Variants in GALNT11 observed in about 807,000 individuals in gnomAD.
The protein encoded by GALNT11 is UDP-GalNAc:polypeptide N-acetylgalactosaminyltransferase 11.
GALNT11 carries 47 observed loss-of-function variants against 72.7 expected under a neutral mutation model. The ratio of observed to expected loss-of-function variants is 0.65; its 90% CI spans 0.51 to 0.82. The LOEUF is 0.82. GALNT11 is among the 40% of genes least tolerant of loss of function. The pLI, the probability that GALNT11 is intolerant of heterozygous loss-of-function variation, is 0.00. For synonymous variants in GALNT11, 270 were observed against 286.6 expected, an observed-to-expected ratio of 0.94 and a Z score of 0.58; for missense variants, 677 against 778.4, an observed-to-expected ratio of 0.87 and a Z score of 1.55.
In GALNT11 at chr7:152,035,913, C is replaced by T. The variant is rs375965967; in HGVS notation, c.-39+10029C>T. Among the ~76,000 whole-genome samples, 9 of 152,242 alleles carry T rather than the reference C, an allele frequency of 5.9e-5. No homozygotes were observed. The South Asian group carries it at 8.3e-4, about 14-fold the overall frequency. ...TTGTCCCAGTCTGATGTGGCTGCTGCGTAGTGCCCGCTGGCCTCCCTCTTG... is the reference window on the plus strand; with the variant it reads ...TTGTCCCAGTCTGATGTGGCTGCTGTGTAGTGCCCGCTGGCCTCCCTCTTG... On this transcript the variant is annotated intron_variant, in intron 1 of 11. Transcript: ENST00000430044.
At chr7:152,028,914 AT>A (rs1419336836) in intron 1 of GALNT11, among the ~76,000 whole-genome samples, 1 of 152,182 alleles carries the variant, frequency 6.6e-6, no homozygotes, top group Non-Finnish European at 1.5e-5. Flanking sequence ...GATGGTCTCA[AT>A]TCTAGAGGAA....
chr7:152,075,622 C>T (rs2084912057), intron 1 of GALNT11, among the ~76,000 whole-genome samples: 1 of 152,096 alleles, frequency 6.6e-6, no homozygotes, highest in African/African-American at 2.4e-5. Flanking sequence ...GCCTCACCAA[C>T]ATGGAGAAAC....
intron 1 of GALNT11, among the ~76,000 whole-genome samples, chr7:152,058,158 T>TA (rs71198755): frequency 2.2e-4 from 34 of 151,326 alleles, no homozygotes; most frequent in South Asian, 1.7e-3. Flanking sequence ...CATTATAGCT[T>TA]AAAAAAAAAG....
intron 1 of GALNT11, among the ~76,000 whole-genome samples, chr7:152,056,409 A>G (rs868788813): frequency 6.6e-6 from 1 of 152,194 alleles, no homozygotes; most frequent in South Asian, 2.1e-4. Context: ...TTTTCCCAGA[A>G]ATTACCAAGT....
rs959964367 is a variant in GALNT11, at chr7:152,122,322, T to TAAAG, written c.*648_*651dup. ...ATGAATTATGATACAATCTACATAATAAAGAATCCTTTTGATTATTTAGGA... is the reference window on the plus strand; with the variant it reads ...ATGAATTATGATACAATCTACATAATAAAGAAAGAATCCTTTTGATTATTTAGGA... On this transcript the variant is annotated 3_prime_UTR_variant, in exon 12 of 12. Transcript: ENST00000430044. 3 of 152,270 alleles carry TAAAG rather than the reference T, an allele frequency of 2.0e-5. No homozygotes were observed. Among genetic ancestry groups the TAAAG allele is most frequent in the African/African-American group, 4.8e-5 (2 of 41,468 alleles). 9.4% of individuals were successfully genotyped at this position (152,270 alleles called of 1,614,324 possible).
chr7:152,071,191 C>G (rs1472857933), intron 1 of GALNT11, among the ~76,000 whole-genome samples: 3 of 152,210 alleles, frequency 2.0e-5, no homozygotes, highest in Admixed American at 1.3e-4. Flanking sequence ...ATTTATTAGG[C>G]AGGAATTTCC....
chr7:152,076,061 CAAAAAAAAAA>C lies in GALNT11; in HGVS notation c.-38-18109_-38-18100del, dbSNP rs71198757. ...TGGGCGACAGAGCGAGACTCCGTCT[CAAAAAAAAAA>C]AAAAAAAAAAAAAAAAAAAGAAGAA... On this transcript the variant is annotated intron_variant, in intron 1 of 11. Coordinates refer to ENST00000430044, the MANE Select transcript of GALNT11 (RefSeq NM_022087.4). 4.2e-4 allele frequency among the ~76,000 whole-genome samples: 30 copies of C among 71,326 alleles called. No homozygotes were observed. The Admixed American group carries it at 5.4e-3, about 13-fold the overall frequency. 46.8% of individuals were successfully genotyped at this position (71,326 alleles called of 152,430 possible). A position where few individuals can be genotyped will look rare whatever the true frequency, so the allele number is the denominator to read the frequency against.
intron 1 of GALNT11, among the ~76,000 whole-genome samples, chr7:152,086,813 T>G (rs139135357): frequency 6.6e-6 from 1 of 152,356 alleles, no homozygotes; most frequent in Non-Finnish European, 1.5e-5. Context: ...AGACCATTAT[T>G]TAAGTTTTGA....
intron 4 of GALNT11, 46 bp downstream of exon 4, chr7:152,103,324 A>G: frequency 6.4e-7 from 1 of 1,570,360 alleles, no homozygotes; most frequent in Non-Finnish European, 8.7e-7. Context: ...GCTGTCAGTC[A>G]CTACAGCACT....
At chr7:152,113,145 A>G in intron 7 of GALNT11, 101 bp from the exon 8 acceptor site, 5 of 1,283,662 alleles carry the variant, frequency 3.9e-6, no homozygotes, top group Non-Finnish European at 4.3e-6. Flanking sequence ...GCCAAGTTTC[A>G]TAAACACCTA....
intron 1 of GALNT11, among the ~76,000 whole-genome samples, chr7:152,062,374 A>G (rs1485163163): frequency 6.6e-6 from 1 of 152,172 alleles, no homozygotes; most frequent in East Asian, 1.9e-4. Flanking sequence ...GGCTGAGACG[A>G]TGAGGTTTTC....
At chr7:152,053,846 T>G (rs1237728169) in intron 1 of GALNT11, among the ~76,000 whole-genome samples, 1 of 152,208 alleles carries the variant, frequency 6.6e-6, no homozygotes, top group Non-Finnish European at 1.5e-5. Context: ...CAAAAATAAA[T>G]AAACCTTGCA....
intron 1 of GALNT11, among the ~76,000 whole-genome samples, chr7:152,066,256 C>G (rs907625037): frequency 6.9e-6 from 1 of 145,810 alleles, no homozygotes; most frequent in Non-Finnish European, 1.5e-5. Context: ...GATGTAATCT[C>G]CTGGTGTGCC....
intron 10 of GALNT11, chr7:152,119,782 A>G (rs2089255098): frequency 1.3e-5 from 2 of 152,266 alleles, no homozygotes; most frequent in African/African-American, 4.8e-5. Flanking sequence ...AGGCTGAGGC[A>G]GGGGAATTGG....
At chr7:152,076,950 G>C (rs1344715107) in intron 1 of GALNT11, among the ~76,000 whole-genome samples, 1 of 152,206 alleles carries the variant, frequency 6.6e-6, no homozygotes, top group Admixed American at 6.5e-5. Flanking sequence ...CCCATAGCTG[G>C]GCATGGTGGC....
In GALNT11 at chr7:152,069,990, TC is replaced by T. The variant is rs2084534565; in HGVS notation, c.-38-24199del. On this transcript the variant is annotated intron_variant, in intron 1 of 11. Transcript: ENST00000430044. ...GCTTTTTTCTTTCTTTTTTCTTTTTTCTTTTTCTTTTTCTTTTTTTTTTTGA... is the reference window on the plus strand; with the variant it reads ...GCTTTTTTCTTTCTTTTTTCTTTTTTTTTTTCTTTTTCTTTTTTTTTTTGA... Among the ~76,000 whole-genome samples the T allele has an allele frequency of 9.8e-5, 14 of 143,392 alleles. No individual in the cohort carries two copies. The South Asian group carries it at 3.0e-3, about 31-fold the overall frequency. 94.1% of individuals were successfully genotyped at this position (143,392 alleles called of 152,430 possible).
intron 1 of GALNT11, among the ~76,000 whole-genome samples, chr7:152,052,380 T>C (rs1421434451): frequency 1.3e-5 from 2 of 152,180 alleles, no homozygotes; most frequent in East Asian, 3.9e-4. Flanking sequence ...AAGTATATTG[T>C]ATATGTATAC....
chr7:152,060,273 T>C (rs1488980195), intron 1 of GALNT11, among the ~76,000 whole-genome samples: 1 of 152,238 alleles, frequency 6.6e-6, no homozygotes, highest in East Asian at 1.9e-4. Context: ...TGATCTTCTA[T>C]CTGGAGCACT....
intron 1 of GALNT11, among the ~76,000 whole-genome samples, chr7:152,058,375 T>C (rs532931968): frequency 3.3e-5 from 5 of 152,186 alleles, no homozygotes; most frequent in Admixed American, 3.3e-4. Flanking sequence ...GATGGAGTCT[T>C]GCTCTGTTGC....
Sources: gnomAD v4.1 joint callset for allele counts (sites outside exome capture counted in the v4.1 genomes callset) on GRCh38, gnomAD v4.1.1 for gene constraint, MANE v1.5 for transcripts, NCBI Gene and HGNC (gene_info 2026-07-23, HGNC 2026-07-21) for gene names.